NEDD9: variants seen among roughly 807,000 people sequenced by gnomAD.
NEDD9 encodes the protein enhancer of filamentation 1.
In NEDD9, 26 loss-of-function variants were observed where a neutral mutation model predicts 76.6. The observed-to-expected ratio is 0.34, with a 90% CI of 0.25 to 0.47. The LOEUF is 0.47. Among genes scored for constraint, NEDD9 ranks in the 20% least tolerant of loss-of-function variants. NEDD9 has a pLI of 1.00. For synonymous variants in NEDD9, 392 were observed against 414.2 expected (o/e 0.95, Z 0.65); for missense variants, 937 against 1,058.5 (o/e 0.89, Z 1.59).
chr6:11,202,306 A>C (rs904187440), intron 2 of NEDD9, among the ~76,000 whole-genome samples: 1 of 148,256 alleles, frequency 6.7e-6, no homozygotes, highest in Non-Finnish European at 1.5e-5. Flanking sequence ...TTAGCTTTCC[A>C]AAACTGCCTG....
chr6:11,296,808 A>T (rs1033826393), intron 3 of NEDD9, among the ~76,000 whole-genome samples: 3 of 151,848 alleles, frequency 2.0e-5, no homozygotes, highest in Non-Finnish European at 4.4e-5. Context: ...AGCTCACTGC[A>T]ACCTTCACCT....
chr6:11,305,160 C>T, intron 3 of NEDD9: 1 of 1,287,568 alleles, frequency 7.8e-7, no homozygotes, highest in Non-Finnish European at 1.0e-6. Flanking sequence ...GGTTGATTCT[C>T]TGAGATACAG....
chr6:11,268,869 G>C (rs1760251569), intron 3 of NEDD9, among the ~76,000 whole-genome samples: 1 of 152,052 alleles, frequency 6.6e-6, no homozygotes, highest in African/African-American at 2.4e-5. Flanking sequence ...GGTTTCAGAG[G>C]TATTTAAATC....
intron 1 of NEDD9, among the ~76,000 whole-genome samples, chr6:11,349,200 A>T (rs1762418831): frequency 1.3e-5 from 2 of 152,236 alleles, no homozygotes; most frequent in South Asian, 4.1e-4. Flanking sequence ...AGAGAAAGGC[A>T]CATCAAAACT....
In NEDD9 at chr6:11,213,680, C is replaced by A; in HGVS notation, c.60G>T (p.Glu20Asp). 1 of 1,614,110 alleles carries A rather than the reference C, an allele frequency of 6.2e-7. No individual in the cohort carries two copies. Among genetic ancestry groups the A allele is most frequent in the East Asian group, 2.2e-5 (1 of 44,876 alleles). Reference protein sequence around the residue: ...ALYDNVPECAEELAFRKGDIL... With the variant: ...ALYDNVPECADELAFRKGDIL... ...TGTCTCCCTTGCGAAAGGCCAGTTCCTCGGCACACTCTGGGACATTGTCAT... is the reference window on the plus strand; with the variant it reads ...TGTCTCCCTTGCGAAAGGCCAGTTCATCGGCACACTCTGGGACATTGTCAT... Residue 20 changes from glutamate (E) to aspartate (D), a missense_variant, in exon 2 of 7, where the codon GAG becomes GAT. Coordinates refer to ENST00000379446, the MANE Select transcript of NEDD9 (RefSeq NM_006403.4). This position sits in a 1 kb window ranked among gnomAD's most constrained non-coding sequence, Gnocchi z 5.4.
chr6:11,300,289 A>C (rs1180757509), intron 3 of NEDD9, among the ~76,000 whole-genome samples: 1 of 152,244 alleles, frequency 6.6e-6, no homozygotes, highest in Non-Finnish European at 1.5e-5. Context: ...TAATGAAATA[A>C]AGCAAGAAGA....
chr6:11,342,950 G>T (rs970183264), intron 1 of NEDD9, among the ~76,000 whole-genome samples: 2 of 152,156 alleles, frequency 1.3e-5, no homozygotes, highest in African/African-American at 4.8e-5. Flanking sequence ...GCTTGAGTGG[G>T]AGTAGGAGAC....
intron 3 of NEDD9, among the ~76,000 whole-genome samples, chr6:11,272,525 G>C (rs189511605): frequency 6.6e-6 from 1 of 152,186 alleles, no homozygotes; most frequent in African/African-American, 2.4e-5. Flanking sequence ...AGCAAAAGAA[G>C]GGGCAAAAGA....
chr6:11,319,831 T>TACTC (rs112000303), intron 2 of NEDD9, among the ~76,000 whole-genome samples: 13,720 of 149,640 alleles, frequency 0.092, 1,880 homozygotes, highest in African/African-American at 0.3. Flanking sequence ...AACAAGCAAA[T>TACTC]ACACTCACGC....
intron 2 of NEDD9, among the ~76,000 whole-genome samples, chr6:11,322,141 A>G (rs928185363): frequency 6.6e-6 from 1 of 152,138 alleles, no homozygotes; most frequent in Admixed American, 6.5e-5. Context: ...ACACGTGAAC[A>G]CAGGGAGGGA....
intron 1 of NEDD9, among the ~76,000 whole-genome samples, chr6:11,371,983 C>T (rs1762884778): frequency 6.6e-6 from 1 of 152,180 alleles, no homozygotes; most frequent in Admixed American, 6.5e-5. Flanking sequence ...GTGTTACAAA[C>T]AATCCAATTA....
intron 1 of NEDD9, 24 bp downstream of exon 1, chr6:11,232,480 A>C (rs1759509731): frequency 6.2e-7 from 1 of 1,614,168 alleles, no homozygotes; most frequent in Non-Finnish European, 8.5e-7. Flanking sequence ...CTTGCAAGGT[A>C]ACCTGTAAAA....
At chr6:11,211,093 T>A (rs1034129973) in intron 2 of NEDD9, among the ~76,000 whole-genome samples, 3 of 152,224 alleles carry the variant, frequency 2.0e-5, no homozygotes, top group Non-Finnish European at 4.4e-5. Context: ...GAAGTTGATT[T>A]CCTCCTGCAG....
At chr6:11,283,557 C>T (rs1760580443) in intron 3 of NEDD9, among the ~76,000 whole-genome samples, 1 of 152,184 alleles carries the variant, frequency 6.6e-6, no homozygotes, top group South Asian at 2.1e-4. Flanking sequence ...TAGCAATAGT[C>T]ACCACATGGA....
intron 1 of NEDD9, among the ~76,000 whole-genome samples, chr6:11,362,968 T>C (rs947899325): frequency 6.6e-6 from 1 of 152,208 alleles, no homozygotes; most frequent in Non-Finnish European, 1.5e-5. Context: ...TCTACAACCA[T>C]ATGGCAATCT....
chr6:11,196,474 T>C (rs1417585136), intron 2 of NEDD9, among the ~76,000 whole-genome samples: 1 of 152,182 alleles, frequency 6.6e-6, no homozygotes, highest in Non-Finnish European at 1.5e-5. Flanking sequence ...TTGTGGATCT[T>C]CCCTGGCAGA....
intron 3 of NEDD9, among the ~76,000 whole-genome samples, chr6:11,294,614 T>A (rs1269975502): frequency 1.3e-5 from 2 of 152,226 alleles, no homozygotes; most frequent in African/African-American, 4.8e-5. Flanking sequence ...CTTTATAAAT[T>A]ACCCAGTCTT....
chr6:11,247,261 T>C (rs182831765), intron 3 of NEDD9, among the ~76,000 whole-genome samples: 1 of 152,312 alleles, frequency 6.6e-6, no homozygotes, highest in Non-Finnish European at 1.5e-5. Context: ...CCTCTCTAGA[T>C]GAGTCCTTTT....
intron 3 of NEDD9, among the ~76,000 whole-genome samples, chr6:11,289,719 G>C (rs1370461711): frequency 1.3e-5 from 2 of 152,170 alleles, no homozygotes; most frequent in African/African-American, 4.8e-5. Context: ...CCAAAGTGCT[G>C]GGATTACAGG....
Sources: gnomAD v4.1 joint callset for allele counts (sites outside exome capture counted in the v4.1 genomes callset) on GRCh38, gnomAD v4.1.1 for gene constraint, Gnocchi (gnomAD v3.1) non-coding constraint, MANE v1.5 for transcripts, NCBI Gene and HGNC (gene_info 2026-07-23, HGNC 2026-07-21) for gene names.